The following ZNF652 variants were observed in gnomAD, a reference collection of about 807,000 sequenced individuals.
The protein encoded by ZNF652 is zinc finger protein 652.
ZNF652 carries 16 observed loss-of-function variants against 45.2 expected under a neutral mutation model. The ratio of observed to expected loss-of-function variants is 0.35; its 90% CI spans 0.24 to 0.54. The LOEUF (loss-of-function observed/expected upper bound fraction) is 0.54, where lower values mean the gene tolerates loss of function less well. Among genes scored for constraint, ZNF652 ranks in the 20% least tolerant of loss-of-function variants. The pLI, the probability that ZNF652 is intolerant of heterozygous loss-of-function variation, is 0.91. For missense variants in ZNF652, 614 were observed against 765.6 expected (o/e 0.80, Z 2.34); for synonymous variants, 250 against 260.6 (o/e 0.96, Z 0.39).
At chr17:49,342,723 CAT>C (rs962946460) in intron 1 of ZNF652, among the ~76,000 whole-genome samples, 18 of 152,198 alleles carry the variant, frequency 1.2e-4, no homozygotes, top group East Asian at 7.7e-4. Context: ...AACTATAGAA[CAT>C]GTGACAATTT....
chr17:49,358,764 C>T (rs1464517121), intron 1 of ZNF652, among the ~76,000 whole-genome samples: 2 of 152,124 alleles, frequency 1.3e-5, no homozygotes, highest in East Asian at 1.9e-4. Context: ...CTGGGTGTCA[C>T]GAATCAGATC....
chr17:49,351,023 A>ATATATATATATATATG, intron 1 of ZNF652, among the ~76,000 whole-genome samples: 1 of 81,828 alleles, frequency 1.2e-5, no homozygotes, highest in African/African-American at 6.0e-5. Flanking sequence ...ATACACACAC[A>ATATATATATATATATG]CACACACACA....
At chr17:49,351,196 T>C (rs1040980039) in intron 1 of ZNF652, among the ~76,000 whole-genome samples, 2 of 151,820 alleles carry the variant, frequency 1.3e-5, no homozygotes, top group African/African-American at 2.4e-5. Context: ...AAGTATGCTT[T>C]ATGGCACAAA....
At chr17:49,351,774 G>T (rs1163259220) in intron 1 of ZNF652, among the ~76,000 whole-genome samples, 1 of 152,086 alleles carries the variant, frequency 6.6e-6, no homozygotes, top group African/African-American at 2.4e-5. Context: ...CTTGAGCTCA[G>T]GAGTTTTGAG....
rs1157269368 is a variant in ZNF652 at position 49,292,761 on chromosome 17, A to G, written c.*5652T>C. ...TCAAATAAGGATAAAATCTTTCAAC[A>G]GAGAGACGAAATATGTGAAGAAATA... On this transcript the variant is annotated 3_prime_UTR_variant, in exon 6 of 6. Transcript: ENST00000430262. Among the ~76,000 whole-genome samples the G allele has an allele frequency of 3.3e-5, 5 of 152,372 alleles. No homozygotes were observed. In the East Asian group the frequency reaches 9.6e-4, roughly 29 times the overall value.
At position 49,289,536 on chromosome 17, in the gene ZNF652, C is replaced by G. The variant is rs771815470; in HGVS notation, c.*8877G>C. 6.6e-6 allele frequency: 1 copy of G among 152,230 alleles called. No homozygotes were observed. Among genetic ancestry groups the G allele is most frequent in the Non-Finnish European group, 1.5e-5 (1 of 68,044 alleles). 9.4% of individuals were successfully genotyped at this position (152,230 alleles called of 1,614,324 possible). A position where few individuals can be genotyped will look rare whatever the true frequency, so the allele number is the denominator to read the frequency against. ...TGACAGGATGCTGGAAAAAATGACT[C>G]AGGGAAGCCGGGCAGCATGGGCTCC... is the stretch of plus-strand genomic sequence containing the variant. On this transcript the variant is annotated 3_prime_UTR_variant, in exon 6 of 6. Coordinates refer to ENST00000430262, the MANE Select transcript of ZNF652 (RefSeq NM_001145365.3).
intron 1 of ZNF652, among the ~76,000 whole-genome samples, chr17:49,336,858 G>A (rs1054378581): frequency 6.6e-6 from 1 of 150,714 alleles, no homozygotes; most frequent in Non-Finnish European, 1.5e-5. Flanking sequence ...AGGAGTTCGA[G>A]AACAGCCCAC....
chr17:49,344,070 G>A (rs1567697546), intron 1 of ZNF652, among the ~76,000 whole-genome samples: 1 of 151,958 alleles, frequency 6.6e-6, no homozygotes, highest in African/African-American at 2.4e-5. Flanking sequence ...GTGTGGTGGC[G>A]GGCGCCTGTA....
chr17:49,327,779 A>ATAT (rs2069980619), intron 1 of ZNF652, among the ~76,000 whole-genome samples: 10 of 4,098 alleles, frequency 2.4e-3, no homozygotes, highest in African/African-American at 5.8e-3. Context: ...ATATATATAT[A>ATAT]TTTTTTTTTT....
intron 1 of ZNF652, among the ~76,000 whole-genome samples, chr17:49,337,416 A>C (rs2143868911): frequency 6.6e-6 from 1 of 152,262 alleles, no homozygotes; most frequent in Non-Finnish European, 1.5e-5. Context: ...ACTTAGAACA[A>C]AATTTAACTC....
chr17:49,352,171 T>C (rs1211161476), intron 1 of ZNF652, among the ~76,000 whole-genome samples: 1 of 152,200 alleles, frequency 6.6e-6, no homozygotes, highest in Non-Finnish European at 1.5e-5. Flanking sequence ...AGTTATTTCA[T>C]ATAAATTCCA....
intron 1 of ZNF652, among the ~76,000 whole-genome samples, chr17:49,354,559 C>T (rs1345023276): frequency 1.3e-5 from 2 of 148,236 alleles, no homozygotes; most frequent in Non-Finnish European, 1.5e-5. Context: ...TGCAGTGAGC[C>T]GAGATCACGC....
intron 5 of ZNF652, among the ~76,000 whole-genome samples, chr17:49,302,615 G>C (rs988657478): frequency 2.7e-5 from 4 of 149,242 alleles, no homozygotes; most frequent in Admixed American, 2.0e-4. Flanking sequence ...ACATCAAAAT[G>C]TATAATCTAT....
In ZNF652 at chr17:49,355,257, T is replaced by C. The variant is rs185903182; in HGVS notation, c.-259+6652A>G. On this transcript the variant is annotated intron_variant, in intron 1 of 5. Transcript: ENST00000430262. The stretch of plus-strand genomic sequence containing the variant: ...CTTTTAATAATTAATTCACGAGGGA[T>C]TGTGATTTCAATATTATGAAATGAG... 2.8e-3 allele frequency among the ~76,000 whole-genome samples: 420 copies of C among 152,272 alleles called. 2 individuals are homozygous for C. The highest frequency in any genetic ancestry group is 9.9e-3 in the African/African-American group (410 of 41,556).
At chr17:49,362,345 C>T (rs561645974), upstream of ZNF652, 9 of 151,874 alleles carry the variant, frequency 5.9e-5, no homozygotes, top group South Asian at 1.9e-3. Context: ...CTCCGCCCGC[C>T]CCCTCAGCAT....
At chr17:49,307,710 C>G (rs2143746586) in intron 5 of ZNF652, among the ~76,000 whole-genome samples, 1 of 152,160 alleles carries the variant, frequency 6.6e-6, no homozygotes, top group South Asian at 2.1e-4. Context: ...TGAGATCGCA[C>G]CACTGCACTC....
chr17:49,354,545 A>G (rs1290339844), intron 1 of ZNF652, among the ~76,000 whole-genome samples: 1 of 150,096 alleles, frequency 6.7e-6, no homozygotes, highest in Admixed American at 6.7e-5. Context: ...TGGTAGGCAG[A>G]GGCTGCAGTG....
chr17:49,302,579 C>T (rs557786881), intron 5 of ZNF652, among the ~76,000 whole-genome samples: 41 of 152,100 alleles, frequency 2.7e-4, no homozygotes, highest in East Asian at 1.4e-3. Context: ...TGAGCCACTG[C>T]GCCTGGCCCA....
At chr17:49,289,048 T>C (rs1022244396), downstream of ZNF652, among the ~76,000 whole-genome samples, 1 of 152,160 alleles carries the variant, frequency 6.6e-6, no homozygotes, top group Non-Finnish European at 1.5e-5. Context: ...GGGTTTGAGG[T>C]AGGTCAGCCT....
Sources: allele counts gnomAD v4.1 joint callset (sites outside exome capture counted in the v4.1 genomes callset), GRCh38; gene constraint gnomAD v4.1.1; transcripts MANE v1.5; gene names NCBI Gene and HGNC (gene_info 2026-07-23, HGNC 2026-07-21).